Variants in SFXN1 observed in about 807,000 individuals in gnomAD.
SFXN1 encodes sideroflexin-1.
A neutral mutation model predicts 39.5 loss-of-function variants in SFXN1; 32 were observed. The observed-to-expected ratio is 0.81, with a 90% CI of 0.61 to 1.09. SFXN1 has a LOEUF of 1.09. Ranked by LOEUF, SFXN1 falls within the 50% of genes least tolerant of loss-of-function variation. The probability of loss-of-function intolerance (pLI) is 0.00; values close to 1 mark genes in which losing one functional copy is unlikely to be tolerated. For missense variants in SFXN1, 402 were observed against 407.1 expected (o/e 0.99, Z 0.11); for synonymous variants, 136 against 146.5 (o/e 0.93, Z 0.52).
At chr5:175,491,928 C>A in intron 1 of SFXN1, 167 bp from the exon 2 acceptor site, 1 of 473,762 alleles carries the variant, frequency 2.1e-6, no homozygotes, top group Non-Finnish European at 3.7e-6. Flanking sequence ...TATAGACAAA[C>A]TTAGCTTTGA....
chr5:175,510,928 C>A (rs1008237103), intron 4 of SFXN1, among the ~76,000 whole-genome samples: 5 of 152,088 alleles, frequency 3.3e-5, no homozygotes, highest in Non-Finnish European at 7.4e-5. Flanking sequence ...ATTAAAATTT[C>A]TTTTAAAAGA....
intron 1 of SFXN1, among the ~76,000 whole-genome samples, chr5:175,486,363 G>A (rs979785959): frequency 6.6e-6 from 1 of 152,216 alleles, no homozygotes; most frequent in Non-Finnish European, 1.5e-5. Context: ...ACCTGGGCAA[G>A]TTATTTCCCC....
chr5:175,500,198 A>G (rs534733233), intron 2 of SFXN1, among the ~76,000 whole-genome samples: 1 of 152,076 alleles, frequency 6.6e-6, no homozygotes, highest in African/African-American at 2.4e-5. Flanking sequence ...AAAAAAAAGA[A>G]TTTACAAAAA....
At chr5:175,512,927 AC>A (rs1263361614) in intron 6 of SFXN1, among the ~76,000 whole-genome samples, 1 of 152,160 alleles carries the variant, frequency 6.6e-6, no homozygotes, top group Non-Finnish European at 1.5e-5. Context: ...AAAAAGGTAC[AC>A]CCTGTTTTAA....
At chr5:175,485,680 C>CA (rs769164040) in intron 1 of SFXN1, among the ~76,000 whole-genome samples, 16 of 152,194 alleles carry the variant, frequency 1.1e-4, no homozygotes, top group Non-Finnish European at 1.9e-4. Flanking sequence ...TAGACCTTCT[C>CA]ACAGCTTCTG....
At chr5:175,495,724 G>A (rs544231078) in intron 2 of SFXN1, among the ~76,000 whole-genome samples, 17 of 85,176 alleles carry the variant, frequency 2.0e-4, no homozygotes, top group South Asian at 8.1e-4. Flanking sequence ...GCAAGACTTC[G>A]TCTCAAAAAA....
intron 2 of SFXN1, among the ~76,000 whole-genome samples, chr5:175,498,824 A>G (rs28549349): frequency 0.27 from 41,741 of 152,088 alleles, 5,986 homozygotes; most frequent in South Asian, 0.44. Context: ...GCAGGGAAAG[A>G]GGGGAAAAGG....
rs117278477 is a variant in SFXN1, at chr5:175,513,996, C to T, written c.724+406C>T. Among the ~76,000 whole-genome samples, 173 of 151,954 alleles carry T rather than the reference C, an allele frequency of 1.1e-3. 2 individuals carry two copies. In the East Asian group the frequency reaches 0.03, roughly 27 times the overall value. On this transcript the variant is annotated intron_variant, in intron 7 of 10. Coordinates refer to ENST00000321442, the MANE Select transcript of SFXN1 (RefSeq NM_022754.7). Reference sequence around the variant, plus strand: ...AGTCAGGAGGCCACAGACGGCAGAGCGTGGATGGCAGCCCTGGCGTTTCAC... The same window carrying T: ...AGTCAGGAGGCCACAGACGGCAGAGTGTGGATGGCAGCCCTGGCGTTTCAC...
intron 2 of SFXN1, among the ~76,000 whole-genome samples, chr5:175,499,367 A>T (rs1320776040): frequency 1.3e-5 from 2 of 152,212 alleles, no homozygotes; most frequent in African/African-American, 2.4e-5. Flanking sequence ...GCAAAACCAG[A>T]AAAAGGGATT....
intron 1 of SFXN1, among the ~76,000 whole-genome samples, chr5:175,488,388 C>T (rs1363959943): frequency 2.6e-5 from 4 of 151,944 alleles, no homozygotes; most frequent in East Asian, 1.9e-4. Context: ...CCGCCATCTC[C>T]GCCTCCCAGG....
At chr5:175,479,104 G>A (rs2113240348) in intron 1 of SFXN1, among the ~76,000 whole-genome samples, 1 of 152,378 alleles carries the variant, frequency 6.6e-6, no homozygotes, top group African/African-American at 2.4e-5. Flanking sequence ...GAGACCACCT[G>A]GTTCCTGCCC....
At chr5:175,509,006 T>G in intron 2 of SFXN1, 26 bp from the exon 3 acceptor site, 1 of 1,583,496 alleles carries the variant, frequency 6.3e-7, no homozygotes, top group African/African-American at 1.4e-5. Flanking sequence ...AATGAGCAAT[T>G]GCCATATTAT....
At chr5:175,517,145 T>C (rs985395232) in intron 8 of SFXN1, among the ~76,000 whole-genome samples, 15 of 152,314 alleles carry the variant, frequency 9.8e-5, no homozygotes, top group East Asian at 9.6e-4. Flanking sequence ...TTTCTGTAGA[T>C]GTACCCTGGC....
intron 2 of SFXN1, among the ~76,000 whole-genome samples, chr5:175,505,140 A>G (rs1490018424): frequency 6.6e-6 from 1 of 152,196 alleles, no homozygotes; most frequent in Non-Finnish European, 1.5e-5. Context: ...AGAAATGTGC[A>G]GTAGGCCTGG....
chr5:175,498,350 C>T (rs141895985), intron 2 of SFXN1, among the ~76,000 whole-genome samples: 99 of 152,124 alleles, frequency 6.5e-4, no homozygotes, highest in African/African-American at 2.2e-3. Context: ...ACCCTCACAA[C>T]CTTTGAGGGT....
At chr5:175,482,061 G>A (rs146141064) in intron 1 of SFXN1, among the ~76,000 whole-genome samples, 16 of 152,244 alleles carry the variant, frequency 1.1e-4, no homozygotes, top group African/African-American at 3.1e-4. Context: ...AAATTTCTCC[G>A]AGCGGCTCTA....
At chr5:175,498,852 A>G (rs189391658) in intron 2 of SFXN1, among the ~76,000 whole-genome samples, 1 of 152,304 alleles carries the variant, frequency 6.6e-6, no homozygotes. Context: ...AGGAGATGAG[A>G]CAAACAGAAA....
intron 2 of SFXN1, among the ~76,000 whole-genome samples, chr5:175,500,764 T>C (rs1760046260): frequency 6.6e-6 from 1 of 152,210 alleles, no homozygotes; most frequent in South Asian, 2.1e-4. Flanking sequence ...TTAGCATTGT[T>C]GTAAGGAGAC....
rs70988287 is a variant in SFXN1 at position 175,495,728 on chromosome 5, CAA to C, written c.164+3472_164+3473del. The stretch of plus-strand genomic sequence containing the variant: ...TGGGCAACAGAGCAAGACTTCGTCT[CAA>C]AAAAAAAAAAGGGTTAAAATGGTAA... On this transcript the variant is annotated intron_variant, in intron 2 of 10. Transcript: ENST00000321442. Among the ~76,000 whole-genome samples the C allele has an allele frequency of 7.2e-4, 101 of 139,576 alleles. 1 individual carries two copies. Among genetic ancestry groups the C allele is most frequent in the African/African-American group, 2.1e-3 (80 of 37,752 alleles). 91.6% of individuals were successfully genotyped at this position (139,576 alleles called of 152,430 possible).
Sources: allele counts gnomAD v4.1 joint callset (sites outside exome capture counted in the v4.1 genomes callset), GRCh38; gene constraint gnomAD v4.1.1; transcripts MANE v1.5; gene names NCBI Gene and HGNC (gene_info 2026-07-23, HGNC 2026-07-21).